The following KLF15 variants were observed in gnomAD, a reference collection of about 807,000 sequenced individuals.
KLF15 encodes Krueppel-like factor 15.
KLF15 carries 4 observed loss-of-function variants against 24.6 expected under a neutral mutation model. The observed-to-expected ratio is 0.16, with a 90% CI of 0.08 to 0.37. The LOEUF is 0.37. Ranked by LOEUF, KLF15 falls within the 10% of genes least tolerant of loss-of-function variation. KLF15 has a pLI of 1.00. For missense variants in KLF15, 496 were observed against 560.6 expected (o/e 0.88, Z 1.16); for synonymous variants, 246 against 236.3 (o/e 1.04, Z -0.37).
At chr3:126,309,039 T>C in the KLF15 span, among the ~76,000 whole-genome samples, 5 of 152,042 alleles carry the variant, frequency 3.3e-5, no homozygotes, top group African/African-American at 1.2e-4. Context: ...TCCTCAGATG[T>C]GTGGAGAGCA....
the KLF15 span, among the ~76,000 whole-genome samples, chr3:126,335,444 A>C: frequency 6.9e-6 from 1 of 145,274 alleles, no homozygotes; most frequent in Non-Finnish European, 1.5e-5. Context: ...AGAGCTATCT[A>C]TGACAAACCC....
chr3:126,315,521 T>C, the KLF15 span, among the ~76,000 whole-genome samples: 1 of 152,062 alleles, frequency 6.6e-6, no homozygotes. Flanking sequence ...ATTGGGATCC[T>C]GGGCTCCCTA....
the KLF15 span, among the ~76,000 whole-genome samples, chr3:126,299,489 C>T: frequency 6.6e-6 from 1 of 151,934 alleles, no homozygotes; most frequent in Non-Finnish European, 1.5e-5. Context: ...GTGGCTCACG[C>T]CTGTAATCCC....
the KLF15 span, among the ~76,000 whole-genome samples, chr3:126,322,341 G>A: frequency 7.2e-5 from 11 of 152,294 alleles, no homozygotes; most frequent in East Asian, 3.9e-4. Context: ...GGGAAACTCC[G>A]TCTCCTGTGC....
the KLF15 span, among the ~76,000 whole-genome samples, chr3:126,309,866 G>A: frequency 2.0e-5 from 3 of 152,232 alleles, no homozygotes; most frequent in Admixed American, 6.5e-5. Context: ...AGGAGCCAAC[G>A]GAGAGAGTGC....
At chr3:126,295,441 T>C in the KLF15 span, among the ~76,000 whole-genome samples, 4 of 152,190 alleles carry the variant, frequency 2.6e-5, no homozygotes, top group Non-Finnish European at 5.9e-5. Flanking sequence ...CATATGCTGC[T>C]CTAAGATTAG....
At chr3:126,292,390 C>T in the KLF15 span, among the ~76,000 whole-genome samples, 2 of 152,238 alleles carry the variant, frequency 1.3e-5, no homozygotes, top group Non-Finnish European at 2.9e-5. Flanking sequence ...CCTGGGCCAT[C>T]TCGCCTGCCC....
the KLF15 span, among the ~76,000 whole-genome samples, chr3:126,289,153 T>G: frequency 6.6e-6 from 1 of 152,200 alleles, no homozygotes. Context: ...TGTTAGAATC[T>G]TCTTACCATT....
the KLF15 span, among the ~76,000 whole-genome samples, chr3:126,309,917 C>G: frequency 6.6e-6 from 1 of 152,230 alleles, no homozygotes; most frequent in East Asian, 1.9e-4. Flanking sequence ...ACAAGGTATA[C>G]AACGTGGTAT....
At chr3:126,350,025 C>T (rs1214513611) in intron 2 of KLF15, among the ~76,000 whole-genome samples, 2 of 152,228 alleles carry the variant, frequency 1.3e-5, no homozygotes, top group Admixed American at 6.5e-5. Context: ...AAGGGCTAGC[C>T]CTCCACTCTG....
chr3:126,325,980 T>C, the KLF15 span, among the ~76,000 whole-genome samples: 1 of 7,404 alleles, frequency 1.4e-4, no homozygotes, highest in Non-Finnish European at 2.2e-4. Context: ...CTTGAATTGA[T>C]TTTTGTATAA....
At chr3:126,304,388 T>A in the KLF15 span, among the ~76,000 whole-genome samples, 1 of 152,342 alleles carries the variant, frequency 6.6e-6, no homozygotes, top group South Asian at 2.1e-4. Flanking sequence ...AAACAGGCAC[T>A]CTATGGACCT....
chr3:126,306,654 G>A, the KLF15 span, among the ~76,000 whole-genome samples: 5 of 152,348 alleles, frequency 3.3e-5, no homozygotes, highest in African/African-American at 1.2e-4. Flanking sequence ...ATAGGCACAA[G>A]TGCACAAACA....
chr3:126,326,859 A>T, the KLF15 span, among the ~76,000 whole-genome samples: 3 of 152,188 alleles, frequency 2.0e-5, no homozygotes, highest in Non-Finnish European at 2.9e-5. Context: ...ATATTGATTG[A>T]ATAACTTATA....
At chr3:126,316,591 T>C in the KLF15 span, among the ~76,000 whole-genome samples, 3 of 32,476 alleles carry the variant, frequency 9.2e-5, no homozygotes, top group African/African-American at 4.6e-4. Context: ...AAGTCCAGAG[T>C]GGGGAGTGGG....
the KLF15 span, among the ~76,000 whole-genome samples, chr3:126,315,393 C>A: frequency 8.7e-4 from 133 of 152,300 alleles, no homozygotes; most frequent in Non-Finnish European, 1.8e-3. Flanking sequence ...GTCTTGGAAG[C>A]TAAGTGGTAG....
the KLF15 span, among the ~76,000 whole-genome samples, chr3:126,300,574 C>T: frequency 6.6e-6 from 1 of 152,248 alleles, no homozygotes; most frequent in Non-Finnish European, 1.5e-5. Context: ...CCGGCTTCCC[C>T]TTTCCCCGTC....
At chr3:126,303,640 G>T in the KLF15 span, among the ~76,000 whole-genome samples, 1 of 150,852 alleles carries the variant, frequency 6.6e-6, no homozygotes, top group African/African-American at 2.4e-5. Flanking sequence ...TGTGCTTAGG[G>T]TTTGTTGATA....
At chr3:126,324,151 T>G in the KLF15 span, among the ~76,000 whole-genome samples, 3 of 80,190 alleles carry the variant, frequency 3.7e-5, no homozygotes. Context: ...CCACACTGTC[T>G]TCAGCAATGG....
Sources: allele counts gnomAD v4.1 joint callset (sites outside exome capture counted in the v4.1 genomes callset), GRCh38; gene constraint gnomAD v4.1.1; transcripts MANE v1.5; gene names NCBI Gene and HGNC (gene_info 2026-07-23, HGNC 2026-07-21).